Variants in CTNNB1 observed in about 807,000 individuals in gnomAD.
CTNNB1 encodes the protein catenin beta-1.
CTNNB1 carries 6 observed loss-of-function variants against 82.5 expected under a neutral mutation model. The ratio of observed to expected loss-of-function variants is 0.07; its 90% CI spans 0.04 to 0.14. The LOEUF is 0.14. Ranked by LOEUF, CTNNB1 falls within the 10% of genes least tolerant of loss-of-function variation. The pLI is 1.00. For synonymous variants in CTNNB1, 312 were observed against 329.7 expected (o/e 0.95, Z 0.58); for missense variants, 529 against 980.4 (o/e 0.54, Z 6.15).
At chr3:41,209,123 TC>T (rs2077717925) in intron 1 of CTNNB1, among the ~76,000 whole-genome samples, 1 of 152,228 alleles carries the variant, frequency 6.6e-6, no homozygotes, top group Non-Finnish European at 1.5e-5. Context: ...TAGCAGCTTT[TC>T]CTCTTACTTC....
At chr3:41,210,124 A>T (rs936426247) in intron 1 of CTNNB1, among the ~76,000 whole-genome samples, 39 of 152,274 alleles carry the variant, frequency 2.6e-4, no homozygotes, top group African/African-American at 8.4e-4. Context: ...TTATATTTTT[A>T]AAATTACTTT....
intron 1 of CTNNB1, among the ~76,000 whole-genome samples, chr3:41,219,532 A>G (rs569155337): frequency 2.0e-5 from 3 of 152,348 alleles, no homozygotes; most frequent in African/African-American, 7.2e-5. Flanking sequence ...CATTACATGT[A>G]GCAAATAAAT....
chr3:41,204,309 A>T (rs1037179760), intron 1 of CTNNB1, among the ~76,000 whole-genome samples: 54 of 152,322 alleles, frequency 3.5e-4, no homozygotes, highest in African/African-American at 1.3e-3. Context: ...TCTTTGAAAA[A>T]TTATGTACAT....
In CTNNB1 at chr3:41,206,104, T is replaced by A. The variant is rs1284083087; in HGVS notation, c.-49+6434T>A. Among the ~76,000 whole-genome samples the A allele has an allele frequency of 2.6e-5, 4 of 152,210 alleles. No individual in the cohort carries two copies. In the South Asian group the frequency reaches 6.2e-4, roughly 24 times the overall value. ...TCTCCCCTATTTATTTCCATATTTT[T>A]ATTTTTTCACTAATATCCCCACGGT... On this transcript the variant is annotated intron_variant, in intron 1 of 14. Transcript: ENST00000349496.
At chr3:41,229,833 T>C (rs1317495027) in intron 7 of CTNNB1, among the ~76,000 whole-genome samples, 2 of 151,774 alleles carry the variant, frequency 1.3e-5, no homozygotes, top group Non-Finnish European at 2.9e-5. Context: ...ATGTTGGCAA[T>C]TGGGGAAAAG....
At chr3:41,215,564 G>T (rs2077898000) in intron 1 of CTNNB1, among the ~76,000 whole-genome samples, 1 of 152,056 alleles carries the variant, frequency 6.6e-6, no homozygotes, top group Non-Finnish European at 1.5e-5. Context: ...TATTAAGCGA[G>T]AAGCTGTTTC....
chr3:41,215,115 C>T (rs2077883321), intron 1 of CTNNB1, among the ~76,000 whole-genome samples: 1 of 151,192 alleles, frequency 6.6e-6, no homozygotes, highest in Admixed American at 6.6e-5. Flanking sequence ...CAGTGGCTCA[C>T]GCCTGTAATC....
intron 1 of CTNNB1, among the ~76,000 whole-genome samples, chr3:41,220,066 G>A (rs1253273458): frequency 6.6e-6 from 1 of 152,058 alleles, no homozygotes; most frequent in African/African-American, 2.4e-5. Flanking sequence ...CTCATATGAT[G>A]GAGATGATAA....
intron 7 of CTNNB1, among the ~76,000 whole-genome samples, 195 bp downstream of exon 7, chr3:41,227,547 T>A (rs1236423231): frequency 2.6e-5 from 4 of 152,204 alleles, no homozygotes; most frequent in African/African-American, 9.6e-5. Flanking sequence ...TAGGTAGAGT[T>A]CTTATTATCC....
Position 41,234,312 on chromosome 3 carries a change from A to C in CTNNB1, c.1683+15A>C. 2 of 1,613,966 alleles carry C rather than the reference A, an allele frequency of 1.2e-6. No homozygotes were observed. The highest frequency in any genetic ancestry group is 1.7e-6 in the Non-Finnish European group (2 of 1,179,824). On this transcript the variant is annotated intron_variant, in intron 10 of 14. Coordinates refer to ENST00000349496, the MANE Select transcript of CTNNB1 (RefSeq NM_001904.4). The stretch of plus-strand genomic sequence containing the variant: ...AGCAATTTGTGGTAGGTAAATTCTT[A>C]CAGTGATACCTGGCTATCTAAAAGG...
intron 1 of CTNNB1, among the ~76,000 whole-genome samples, chr3:41,203,730 T>G (rs966504526): frequency 2.6e-5 from 4 of 152,272 alleles, no homozygotes; most frequent in African/African-American, 7.2e-5. Flanking sequence ...TGAACTGTGT[T>G]TTGCCCTTTG....
intron 1 of CTNNB1, among the ~76,000 whole-genome samples, chr3:41,217,115 A>G (rs2077932212): frequency 1.3e-5 from 2 of 152,088 alleles, no homozygotes; most frequent in South Asian, 4.2e-4. Flanking sequence ...TCTGCCTTCT[A>G]GTTACACTGG....
intron 1 of CTNNB1, among the ~76,000 whole-genome samples, chr3:41,211,966 T>C (rs1222525943): frequency 6.6e-6 from 1 of 152,228 alleles, no homozygotes; most frequent in African/African-American, 2.4e-5. Flanking sequence ...TTACAGGGCT[T>C]ACCATTTCAT....
chr3:41,213,126 C>T (rs750790079), intron 1 of CTNNB1, among the ~76,000 whole-genome samples: 5 of 152,318 alleles, frequency 3.3e-5, no homozygotes, highest in South Asian at 4.1e-4. Context: ...GAGAGCTCTA[C>T]GTGATCTGGC....
chr3:41,226,513 A>G (rs937847839), intron 6 of CTNNB1, among the ~76,000 whole-genome samples: 4 of 152,192 alleles, frequency 2.6e-5, no homozygotes, highest in Non-Finnish European at 5.9e-5. Context: ...AGAAAACAAC[A>G]TCTTTGAAAC....
Position 41,239,346 on chromosome 3 carries a change from A to C in CTNNB1, c.*4A>C. On this transcript the variant is annotated 3_prime_UTR_variant, in exon 15 of 15. Transcript: ENST00000349496. ...CTGGTTTGATACTGACCTGTAAATC[A>C]TCCTTTAGGTAAGAAGTTTTAAAAA... 1 of 1,613,228 alleles carries C rather than the reference A, an allele frequency of 6.2e-7. No individual in the cohort carries two copies. The highest frequency in any genetic ancestry group is 8.5e-7 in the Non-Finnish European group (1 of 1,179,430).
chr3:41,230,715 G>A (rs2078286645), intron 7 of CTNNB1, among the ~76,000 whole-genome samples: 1 of 152,184 alleles, frequency 6.6e-6, no homozygotes, highest in Non-Finnish European at 1.5e-5. Flanking sequence ...GGGACTGCAG[G>A]ATGAGAGGGA....
At chr3:41,236,010 A>C (rs937076901) in intron 11 of CTNNB1, 167 bp downstream of exon 11, 12 of 849,312 alleles carry the variant, frequency 1.4e-5, no homozygotes, top group Non-Finnish European at 2.3e-5. Flanking sequence ...AGACTTGAGA[A>C]GAGGGAGGAG....
intron 1 of CTNNB1, 29 bp downstream of exon 1, chr3:41,199,699 C>T (rs2125577820): frequency 6.6e-6 from 1 of 152,210 alleles, no homozygotes; most frequent in African/African-American, 2.4e-5. Context: ...CCTTATCCTT[C>T]CGGGGCTGCT....
Sources: gnomAD v4.1 joint callset for allele counts (sites outside exome capture counted in the v4.1 genomes callset) on GRCh38, gnomAD v4.1.1 for gene constraint, MANE v1.5 for transcripts, NCBI Gene and HGNC (gene_info 2026-07-23, HGNC 2026-07-21) for gene names.